ORC5: variants seen among roughly 807,000 people sequenced by gnomAD.
ORC5 encodes protein phosphatase 1, regulatory subunit 117.
Under a neutral mutation model 58.8 loss-of-function variants are expected in ORC5, and 39 were observed. That is an observed-to-expected ratio of 0.66 (90% confidence interval 0.51 to 0.87). ORC5 has a LOEUF of 0.87. Among genes scored for constraint, ORC5 ranks in the 40% least tolerant of loss-of-function variants. The pLI, the probability that ORC5 is intolerant of heterozygous loss-of-function variation, is 0.00. For synonymous variants in ORC5, 218 were observed against 177.6 expected, an observed-to-expected ratio of 1.23 and a Z score of -1.81; for missense variants, 493 against 506.3, an observed-to-expected ratio of 0.97 and a Z score of 0.25.
At chr7:104,154,406 TTATTCACTTTAAGTACTTATTAG>T (rs1459203316) in intron 12 of ORC5, among the ~76,000 whole-genome samples, 1 of 152,032 alleles carries the variant, frequency 6.6e-6, no homozygotes, top group East Asian at 1.9e-4. Flanking sequence ...AAACTCTTAT[TTATTCACTTTAAGTACTTATTAG>T]TATTCACTTT....
intron 11 of ORC5, among the ~76,000 whole-genome samples, chr7:104,163,225 T>G (rs1404283957): frequency 1.3e-5 from 2 of 152,230 alleles, no homozygotes; most frequent in African/African-American, 2.4e-5. Flanking sequence ...ACAAGAAGAC[T>G]ACATTTCTCA....
intron 13 of ORC5, among the ~76,000 whole-genome samples, chr7:104,131,380 AAACC>A (rs1254584488): frequency 6.6e-6 from 1 of 152,188 alleles, no homozygotes; most frequent in South Asian, 2.1e-4. Context: ...CTCAAATTCT[AAACC>A]CCATGCTTAT....
intron 8 of ORC5, among the ~76,000 whole-genome samples, chr7:104,178,646 C>T (rs1041076797): frequency 7.9e-5 from 12 of 152,052 alleles, no homozygotes; most frequent in African/African-American, 2.9e-4. Context: ...ATGCCTATGT[C>T]CTGAATGGTG....
chr7:104,197,012 T>A (rs929619633), intron 4 of ORC5, among the ~76,000 whole-genome samples: 3 of 152,176 alleles, frequency 2.0e-5, no homozygotes, highest in African/African-American at 7.2e-5. Flanking sequence ...CTGACACAAA[T>A]GCCTAGTAAG....
Position 104,137,134 on chromosome 7 carries a change from G to A in ORC5, c.1150-241C>T, listed in dbSNP as rs150327011. Among the ~76,000 whole-genome samples, 886 of 146,450 alleles carry A rather than the reference G, an allele frequency of 6.0e-3. 8 individuals carry two copies. The highest frequency in any genetic ancestry group is 0.021 in the African/African-American group (835 of 39,698). On this transcript the variant is annotated intron_variant, in intron 12 of 13. Transcript: ENST00000297431. ...TTTTTTTTCTTAGAGATATGGTCTC[G>A]TTCTGTTACCCAGGCTAGAGTGGCA...
intron 12 of ORC5, among the ~76,000 whole-genome samples, chr7:104,143,781 C>T (rs1025983898): frequency 1.3e-5 from 2 of 151,932 alleles, no homozygotes; most frequent in African/African-American, 4.8e-5. Context: ...AAATTGTACA[C>T]AAATATACAA....
At chr7:104,130,480 G>C (rs1377261657) in intron 13 of ORC5, among the ~76,000 whole-genome samples, 1 of 152,048 alleles carries the variant, frequency 6.6e-6, no homozygotes, top group Non-Finnish European at 1.5e-5. Context: ...TGTCAGGTGG[G>C]GCTGGTGTCC....
chr7:104,129,027 A>C lies in ORC5; in HGVS notation c.1263-2134T>G, dbSNP rs1798472275. 6.6e-6 allele frequency among the ~76,000 whole-genome samples: 1 copy of C among 152,138 alleles called. No homozygotes were observed. The highest frequency in any genetic ancestry group is 2.4e-5 in the African/African-American group (1 of 41,448). On this transcript the variant is annotated intron_variant, in intron 13 of 13. Transcript: ENST00000297431. This position sits in a 1 kb window ranked among gnomAD's most constrained non-coding sequence, Gnocchi z 4.9. Reference sequence around the variant, plus strand: ...TTGATGAAATATTATACAGCCATACAAAATGATCAATATGAAGATATACCA... The same window carrying C: ...TTGATGAAATATTATACAGCCATACCAAATGATCAATATGAAGATATACCA...
At chr7:104,167,139 A>G (rs530632092) in intron 9 of ORC5, among the ~76,000 whole-genome samples, 2 of 152,098 alleles carry the variant, frequency 1.3e-5, no homozygotes, top group Non-Finnish European at 2.9e-5. Context: ...TCTTCTCTTC[A>G]AGGCCACGCT....
chr7:104,186,398 T>C (rs1264321386), intron 6 of ORC5, among the ~76,000 whole-genome samples: 1 of 152,128 alleles, frequency 6.6e-6, no homozygotes, highest in Non-Finnish European at 1.5e-5. Context: ...CCCCCAAGTA[T>C]ACCAAGGGGC....
At chr7:104,148,304 A>G (rs1313505644) in intron 12 of ORC5, among the ~76,000 whole-genome samples, 1 of 152,176 alleles carries the variant, frequency 6.6e-6, no homozygotes, top group Non-Finnish European at 1.5e-5. Context: ...TACTACCCCA[A>G]ACAAGGAGCT....
chr7:104,207,282 C>T (rs530325478), intron 1 of ORC5, among the ~76,000 whole-genome samples: 1 of 152,248 alleles, frequency 6.6e-6, no homozygotes, highest in South Asian at 2.1e-4. Context: ...AGACAAACTC[C>T]TCTCTAGGGC....
chr7:104,131,722 C>T (rs1798514612), intron 13 of ORC5, among the ~76,000 whole-genome samples: 1 of 152,026 alleles, frequency 6.6e-6, no homozygotes, highest in Admixed American at 6.6e-5. Context: ...CGTTGTGGCA[C>T]ACGCCTGTAA....
At chr7:104,185,069 T>C (rs796392653) in intron 6 of ORC5, among the ~76,000 whole-genome samples, 53 of 142,772 alleles carry the variant, frequency 3.7e-4, no homozygotes, top group African/African-American at 1.3e-3. Context: ...ATATTTTGTG[T>C]AAGGCTCCTG....
chr7:104,188,912 A>G (rs989220736), intron 5 of ORC5, among the ~76,000 whole-genome samples: 2 of 151,940 alleles, frequency 1.3e-5, no homozygotes, highest in African/African-American at 2.4e-5. Context: ...CCATGTGAAG[A>G]TGTGTTTGCT....
At chr7:104,190,848 T>C (rs963944448) in intron 5 of ORC5, among the ~76,000 whole-genome samples, 1 of 152,054 alleles carries the variant, frequency 6.6e-6, no homozygotes, top group Non-Finnish European at 1.5e-5. Context: ...AGTAAGTTAG[T>C]ATTTTTAGCC....
At chr7:104,146,462 G>A (rs1211932105) in intron 12 of ORC5, among the ~76,000 whole-genome samples, 1 of 152,154 alleles carries the variant, frequency 6.6e-6, no homozygotes, top group Non-Finnish European at 1.5e-5. Context: ...GTATACCACA[G>A]AATACTCCTC....
At chr7:104,169,647 T>A (rs1307669779) in intron 8 of ORC5, among the ~76,000 whole-genome samples, 2 of 152,112 alleles carry the variant, frequency 1.3e-5, no homozygotes, top group African/African-American at 2.4e-5. Flanking sequence ...ATATCCAAAA[T>A]CTGCATGAAG....
intron 5 of ORC5, among the ~76,000 whole-genome samples, chr7:104,194,212 G>T (rs1267256859): frequency 1.3e-5 from 2 of 149,822 alleles, no homozygotes; most frequent in Non-Finnish European, 3.0e-5. Context: ...TCTATTTTGG[G>T]TTGCTGTTTA....
Sources: gnomAD v4.1 joint callset for allele counts (sites outside exome capture counted in the v4.1 genomes callset) on GRCh38, gnomAD v4.1.1 for gene constraint, Gnocchi (gnomAD v3.1) non-coding constraint, MANE v1.5 for transcripts, NCBI Gene and HGNC (gene_info 2026-07-23, HGNC 2026-07-21) for gene names.